Variants in TTC34 observed in about 807,000 individuals in gnomAD.
TTC34 encodes tetratricopeptide repeat protein 34.
Under a neutral mutation model 40.7 loss-of-function variants are expected in TTC34, and 44 were observed. The observed-to-expected ratio is 1.08, with a 90% confidence interval of 0.85 to 1.39. The LOEUF (loss-of-function observed/expected upper bound fraction) is 1.39. Ranked by LOEUF, TTC34 falls within the 40% of genes most tolerant of loss-of-function variation. The pLI, the probability that TTC34 is intolerant of heterozygous loss-of-function variation, is 0.00. For missense variants in TTC34, 884 were observed against 838.0 expected, an observed-to-expected ratio of 1.05 and a Z score of -0.68; for synonymous variants, 422 against 398.6, an observed-to-expected ratio of 1.06 and a Z score of -0.70.
At chr1:2,751,124 G>A (rs1414990341) in intron 6 of TTC34, among the ~76,000 whole-genome samples, 1 of 57,896 alleles carries the variant, frequency 1.7e-5, no homozygotes. Context: ...ACAGCACCCT[G>A]TACCCCCAGG....
At chr1:2,650,966 C>G (rs553291157) in intron 6 of TTC34, among the ~76,000 whole-genome samples, 1 of 146,514 alleles carries the variant, frequency 6.8e-6, no homozygotes, top group Non-Finnish European at 1.5e-5. Context: ...GAGCATCACA[C>G]CATCCAAATG....
chr1:2,796,216 C>T lies in TTC34; in HGVS notation c.784+3828G>A, dbSNP rs542857989. ...TCTACTCATTATGGATCACCCAGCC[C>T]GTGGCATTCTGTCACAGCAGCACAA... On this transcript the variant is annotated intron_variant, in intron 2 of 8. Transcript: ENST00000401095. The surrounding 1 kb of genome is among the most constrained non-coding windows in gnomAD (Gnocchi z 4.5). 1.3e-5 allele frequency among the ~76,000 whole-genome samples: 2 copies of T among 152,184 alleles called. No individual in the cohort carries two copies. The highest frequency in any genetic ancestry group is 2.9e-5 in the Non-Finnish European group (2 of 68,048).
In TTC34 at chr1:2,645,560, C is replaced by T. The variant is rs996734552; in HGVS notation, c.2230G>A (p.Ala744Thr). Reference sequence around the variant, plus strand: ...AGAGCAGAGACGATGTCGTCCACGGCTTCCTGCAAGGAGGGAGGGCGGGCG... The same window carrying T: ...AGAGCAGAGACGATGTCGTCCACGGTTTCCTGCAAGGAGGGAGGGCGGGCG... The change falls in exon 7 of 9, where the codon GCC becomes ACC. Residue 744 changes from alanine (A) to threonine (T), a missense_variant. Physicochemically the swap from Ala to Thr is moderately conservative, Grantham distance 58. Transcript: ENST00000401095. The surrounding 1 kb of genome is among the most constrained non-coding windows in gnomAD (Gnocchi z 4.7). 2.1e-5 allele frequency: 14 copies of T among 659,776 alleles called. No homozygotes were observed. Among genetic ancestry groups the T allele is most frequent in the Non-Finnish European group, 2.6e-5 (14 of 531,028 alleles). The allele number at this position is 659,776 out of a possible 1,614,324, so 40.9% of individuals were successfully genotyped here.
intron 4 of TTC34, among the ~76,000 whole-genome samples, chr1:2,786,600 G>A (rs1256227581): frequency 6.6e-6 from 1 of 152,192 alleles, no homozygotes. Flanking sequence ...CCGCCCCAGT[G>A]GGCCCACTGG....
chr1:2,641,754 C>G (rs937196189), exon 9 of TTC34: 2 of 1,535,296 alleles, frequency 1.3e-6, no homozygotes, highest in African/African-American at 2.7e-5. Context: ...CGGCCAAACT[C>G]CTGCAACTCG....
intron 6 of TTC34, among the ~76,000 whole-genome samples, chr1:2,700,649 C>CCTGAA (rs1557634296): frequency 8.2e-6 from 1 of 121,896 alleles, no homozygotes; most frequent in Non-Finnish European, 1.9e-5. Flanking sequence ...CCTGAAACAG[C>CCTGAA]ACCCCACACC....
At position 2,783,698 on chromosome 1, in the gene TTC34, C is replaced by T. The variant is rs756561324; in HGVS notation, c.2137G>A (p.Asp713Asn). ...TCAGCCCGCAGCACTGTGTTGAAGT[C>T]GAACATGGCCGTCTTCTTCTGGCCC... Residue 713 changes from aspartate (D) to asparagine (N), a missense_variant, in exon 6 of 9, where the codon GAC becomes AAC. Transcript: ENST00000401095. 1.9e-5 allele frequency: 30 copies of T among 1,545,468 alleles called. 1 individual carries two copies. The South Asian group carries it at 2.8e-4, about 14-fold the overall frequency.
At chr1:2,700,167 T>C (rs1474432698) in intron 6 of TTC34, among the ~76,000 whole-genome samples, 4 of 76,880 alleles carry the variant, frequency 5.2e-5, no homozygotes, top group Admixed American at 1.5e-4. Context: ...GAGCATCACA[T>C]ACTCCCCCAG....
At chr1:2,637,026 A>G (rs1557574480) in exon 9 of TTC34, 1 of 152,260 alleles carries the variant, frequency 6.6e-6, no homozygotes, top group African/African-American at 2.4e-5. Flanking sequence ...GAGACGGAAC[A>G]GCTCTCAGCA....
At chr1:2,768,018 C>A (rs550512341) in intron 6 of TTC34, among the ~76,000 whole-genome samples, 9 of 151,304 alleles carry the variant, frequency 5.9e-5, no homozygotes, top group African/African-American at 1.9e-4. Flanking sequence ...AGGTGAGCAT[C>A]TGACAGCATA....
chr1:2,784,971 A>G (rs898475193), intron 5 of TTC34, among the ~76,000 whole-genome samples: 2 of 49,714 alleles, frequency 4.0e-5, no homozygotes, highest in African/African-American at 1.9e-4. Context: ...GCTCTGGGCC[A>G]CTCTGGGCCG....
At chr1:2,660,668 C>G (rs1314271609) in intron 6 of TTC34, among the ~76,000 whole-genome samples, 9 of 40,248 alleles carry the variant, frequency 2.2e-4, no homozygotes, top group African/African-American at 3.8e-4. Flanking sequence ...GCAGTGCCCA[C>G]ACACCCAGGC....
chr1:2,688,325 C>G (rs1266504791), intron 6 of TTC34, among the ~76,000 whole-genome samples: 1 of 140,436 alleles, frequency 7.1e-6, no homozygotes, highest in Non-Finnish European at 1.5e-5. Context: ...AGCAGAACCC[C>G]ACACCCCCAG....
At chr1:2,749,079 C>T (rs1569684844) in intron 6 of TTC34, among the ~76,000 whole-genome samples, 2 of 136,732 alleles carry the variant, frequency 1.5e-5, no homozygotes, top group African/African-American at 2.8e-5. Context: ...GCAGCACCCA[C>T]AACCCCAGGC....
chr1:2,687,646 C>T (rs1388818595), intron 6 of TTC34, among the ~76,000 whole-genome samples: 2 of 151,358 alleles, frequency 1.3e-5, no homozygotes, highest in South Asian at 2.1e-4. Context: ...AGCACCCACA[C>T]CCCCAGGTGA....
intron 6 of TTC34, chr1:2,775,574 G>C (rs978152207): frequency 6.7e-6 from 1 of 148,484 alleles, no homozygotes; most frequent in Admixed American, 6.6e-5. Flanking sequence ...GCATCCGATG[G>C]CATGGGACAG....
rs1452091823 is a variant in TTC34 at position 2,783,596 on chromosome 1, A to G, written c.2226+13T>C. On this transcript the variant is annotated intron_variant, in intron 6 of 8. Coordinates refer to ENST00000401095, the Ensembl canonical transcript of TTC34. ...CGTGCTTGCCCAGGCCCAGGTCAGG[A>G]GTGGGGCGGCACCTGCAGCTGGTCT... The G allele has an allele frequency of 2.9e-6, 4 of 1,397,962 alleles. No individual in the cohort carries two copies. The highest frequency in any genetic ancestry group is 2.8e-6 in the Non-Finnish European group (3 of 1,058,890). 86.6% of individuals were successfully genotyped at this position (1,397,962 alleles called of 1,614,324 possible). A position where few individuals can be genotyped will look rare whatever the true frequency, so the allele number is the denominator to read the frequency against.
At chr1:2,699,320 A>C (rs1218627537) in intron 6 of TTC34, among the ~76,000 whole-genome samples, 1 of 142,494 alleles carries the variant, frequency 7.0e-6, no homozygotes, top group African/African-American at 2.5e-5. Flanking sequence ...CGCATGGAGC[A>C]GCAGCCACAA....
At chr1:2,694,090 C>A (rs1439348829) in intron 6 of TTC34, among the ~76,000 whole-genome samples, 1 of 150,192 alleles carries the variant, frequency 6.7e-6, no homozygotes, top group Non-Finnish European at 1.5e-5. Context: ...ATCTGACAGC[C>A]TGGAACAGCA....
Sources: gnomAD v4.1 joint callset for allele counts (sites outside exome capture counted in the v4.1 genomes callset) on GRCh38, gnomAD v4.1.1 for gene constraint, Gnocchi (gnomAD v3.1) non-coding constraint, MANE v1.5 for transcripts, NCBI Gene and HGNC (gene_info 2026-07-23, HGNC 2026-07-21) for gene names.